Variants in PACRG observed in about 807,000 individuals in gnomAD.
PACRG encodes the protein parkin coregulated.
In PACRG, 29 loss-of-function variants were observed where a neutral mutation model predicts 29.7. The ratio of observed to expected loss-of-function variants is 0.98; its 90% confidence interval spans 0.73 to 1.33. The LOEUF (loss-of-function observed/expected upper bound fraction) is 1.33, where lower values mean the gene tolerates loss of function less well. Ranked by LOEUF, PACRG falls within the 40% of genes most tolerant of loss-of-function variation. PACRG has a pLI of 0.00. For missense variants in PACRG, 279 were observed against 316.2 expected (o/e 0.88, Z 0.89); for synonymous variants, 116 against 118.7 (o/e 0.98, Z 0.15).
intron 2 of PACRG, among the ~76,000 whole-genome samples, chr6:162,862,958 A>T (rs1377648721): frequency 6.6e-6 from 1 of 152,226 alleles, no homozygotes; most frequent in Non-Finnish European, 1.5e-5. Context: ...TACTCTCAGC[A>T]GGTCAGTGAT....
chr6:163,142,313 G>A (rs552282841), intron 4 of PACRG, among the ~76,000 whole-genome samples: 2 of 152,094 alleles, frequency 1.3e-5, no homozygotes, highest in South Asian at 4.2e-4. Context: ...CACCAAGAAT[G>A]AGCACAAGAA....
chr6:162,995,146 C>G (rs1269421680), intron 2 of PACRG, among the ~76,000 whole-genome samples: 19 of 149,766 alleles, frequency 1.3e-4, no homozygotes, highest in African/African-American at 4.3e-4. Flanking sequence ...CTCTTCAAAG[C>G]TGTCAGACAG....
At chr6:162,850,789 C>G (rs567536143) in intron 2 of PACRG, among the ~76,000 whole-genome samples, 2 of 152,332 alleles carry the variant, frequency 1.3e-5, no homozygotes, top group East Asian at 3.9e-4. Context: ...GTGAGCTACT[C>G]TAGCAAATTA....
chr6:162,813,631 A>G (rs1287730142), intron 1 of PACRG, among the ~76,000 whole-genome samples: 1 of 152,026 alleles, frequency 6.6e-6, no homozygotes, highest in African/African-American at 2.4e-5. Flanking sequence ...TTTCTACACT[A>G]ATTTATTATT....
chr6:162,797,221 G>A (rs1461573343), intron 1 of PACRG, among the ~76,000 whole-genome samples: 1 of 152,108 alleles, frequency 6.6e-6, no homozygotes, highest in Non-Finnish European at 1.5e-5. Context: ...GTTACAGTGA[G>A]CCGAGATCAT....
chr6:163,076,080 A>G (rs570545750), intron 3 of PACRG, among the ~76,000 whole-genome samples: 25 of 152,340 alleles, frequency 1.6e-4, no homozygotes, highest in South Asian at 4.1e-4. Context: ...GTGCAATCCT[A>G]CAAGGGCATT....
chr6:163,099,080 G>A (rs186215695), intron 4 of PACRG, among the ~76,000 whole-genome samples: 1 of 152,306 alleles, frequency 6.6e-6, no homozygotes, highest in African/African-American at 2.4e-5. Context: ...TGGGGATGCA[G>A]CCCAGTGGGT....
At chr6:163,215,996 A>G (rs559363664) in intron 4 of PACRG, among the ~76,000 whole-genome samples, 1 of 152,322 alleles carries the variant, frequency 6.6e-6, no homozygotes, top group South Asian at 2.1e-4. Context: ...CGCAGCAGTA[A>G]GTGTAGGATG....
intron 2 of PACRG, among the ~76,000 whole-genome samples, chr6:162,881,365 T>C (rs1480416316): frequency 6.8e-6 from 1 of 147,084 alleles, no homozygotes; most frequent in African/African-American, 2.5e-5. Context: ...AAAAGGTAGA[T>C]GTTTATTTTT....
At chr6:163,088,752 C>A (rs1813823225) in intron 3 of PACRG, among the ~76,000 whole-genome samples, 1 of 151,894 alleles carries the variant, frequency 6.6e-6, no homozygotes, top group Non-Finnish European at 1.5e-5. Flanking sequence ...ACTTTATGTT[C>A]ACTTCTACCA....
intron 2 of PACRG, among the ~76,000 whole-genome samples, chr6:163,014,801 C>G (rs1427953867): frequency 6.6e-6 from 1 of 152,106 alleles, no homozygotes; most frequent in Admixed American, 6.6e-5. Context: ...TGTAGGCTGT[C>G]TGTTTACTCT....
rs145604752 is a variant in PACRG, at chr6:163,139,716, A to T, written c.613+50308A>T. ...GTGCTAAAGTAATTGCAATTGCCAA[A>T]GTAATTGCCGTTAAAAGTAATTACA... On this transcript the variant is annotated intron_variant, in intron 4 of 4. Coordinates refer to ENST00000366888, the MANE Select transcript of PACRG (RefSeq NM_001080379.2). Among the ~76,000 whole-genome samples the T allele has an allele frequency of 4.1e-3, 622 of 152,356 alleles. 4 individuals carry two copies. The highest frequency in any genetic ancestry group is 5.4e-3 in the Non-Finnish European group (369 of 68,036).
chr6:163,117,610 G>A (rs531084115), intron 4 of PACRG, among the ~76,000 whole-genome samples: 109 of 152,192 alleles, frequency 7.2e-4, no homozygotes, highest in Middle Eastern at 3.4e-3. Flanking sequence ...AATGAGCTGG[G>A]CTTGGTGGTG....
chr6:163,077,732 A>G (rs184171683), intron 3 of PACRG, among the ~76,000 whole-genome samples: 5 of 152,342 alleles, frequency 3.3e-5, no homozygotes, highest in Admixed American at 3.3e-4. Flanking sequence ...TTTAAAAAAC[A>G]TTAAAAAGAG....
Position 163,256,174 on chromosome 6 carries a change from C to G in PACRG, c.614-58653C>G, listed in dbSNP as rs76682320. Among the ~76,000 whole-genome samples, 1,117 of 152,302 alleles carry G rather than the reference C, an allele frequency of 7.3e-3. 11 individuals are homozygous for G. Among genetic ancestry groups the G allele is most frequent in the African/African-American group, 0.026 (1,073 of 41,548 alleles). On this transcript the variant is annotated intron_variant, in intron 4 of 4. Coordinates refer to ENST00000366888, the MANE Select transcript of PACRG (RefSeq NM_001080379.2). ...ATGTGTATCTGAAATTAATTTTTCT[C>G]TAATGTGCTATATCTCAAAATCAGC...
intron 2 of PACRG, among the ~76,000 whole-genome samples, chr6:162,868,981 G>A (rs1792564889): frequency 6.6e-6 from 1 of 152,138 alleles, no homozygotes; most frequent in Non-Finnish European, 1.5e-5. Context: ...ATTATTCCTC[G>A]TTACATCACG....
chr6:163,109,030 A>G (rs1031230867), intron 4 of PACRG, among the ~76,000 whole-genome samples: 2 of 152,072 alleles, frequency 1.3e-5, no homozygotes, highest in Non-Finnish European at 1.5e-5. Context: ...GACTGTGTCA[A>G]CCCTCCAGTA....
intron 2 of PACRG, among the ~76,000 whole-genome samples, chr6:162,969,015 C>T (rs1376999260): frequency 8.3e-6 from 1 of 119,812 alleles, no homozygotes; most frequent in Non-Finnish European, 1.6e-5. Context: ...CCACTGCCCT[C>T]CAGCCTGGGG....
intron 4 of PACRG, among the ~76,000 whole-genome samples, chr6:163,148,984 GA>G (rs1777947113): frequency 5.8e-5 from 3 of 52,110 alleles, no homozygotes; most frequent in Non-Finnish European, 1.1e-4. Context: ...GGGGGGGGTG[GA>G]AAAATGTCCC....
Sources: allele counts gnomAD v4.1 joint callset (sites outside exome capture counted in the v4.1 genomes callset), GRCh38; gene constraint gnomAD v4.1.1; transcripts MANE v1.5; gene names NCBI Gene and HGNC (gene_info 2026-07-23, HGNC 2026-07-21).